The following ABI3BP variants were observed in gnomAD, a reference collection of about 807,000 sequenced individuals.
ABI3BP encodes ABI family member 3 binding protein.
ABI3BP carries 216 observed loss-of-function variants against 268.6 expected under a neutral mutation model. The observed-to-expected ratio is 0.80, with a 90% confidence interval of 0.72 to 0.90. The LOEUF is 0.90. ABI3BP is among the 40% of genes least tolerant of loss of function. The probability of loss-of-function intolerance (pLI) is 0.00; values close to 1 mark genes in which losing one functional copy is unlikely to be tolerated. For missense variants in ABI3BP, 2,090 were observed against 2,182.4 expected, an observed-to-expected ratio of 0.96 and a Z score of 0.84; for synonymous variants, 730 against 730.0, an observed-to-expected ratio of 1.00 and a Z score of 0.00.
At chr3:100,905,008 A>C (rs1378951984) in intron 2 of ABI3BP, among the ~76,000 whole-genome samples, 1 of 152,220 alleles carries the variant, frequency 6.6e-6, no homozygotes, top group Admixed American at 6.5e-5. Flanking sequence ...CTTGGCACCA[A>C]CCCAAATGTC....
At chr3:100,837,258 C>T in intron 26 of ABI3BP, 87 bp from the exon 27 acceptor site, 1 of 1,036,110 alleles carries the variant, frequency 9.7e-7, no homozygotes. Flanking sequence ...ATTCAGAGGA[C>T]ACAGAGTCTA....
At chr3:100,886,962 CAT>C (rs2042261538) in intron 4 of ABI3BP, among the ~76,000 whole-genome samples, 1 of 151,918 alleles carries the variant, frequency 6.6e-6, no homozygotes, top group South Asian at 2.1e-4. Flanking sequence ...TAAATATACA[CAT>C]ATATATGTGT....
At chr3:100,926,248 AC>A (rs1192569068) in intron 2 of ABI3BP, 53 bp downstream of exon 2, 10 of 1,564,806 alleles carry the variant, frequency 6.4e-6, no homozygotes, top group African/African-American at 1.4e-5. Context: ...GTCATGTTAC[AC>A]CCCCCCACCT....
chr3:100,832,164 A>G, intron 31 of ABI3BP, 100 bp downstream of exon 31: 6 of 1,145,060 alleles, frequency 5.2e-6, no homozygotes, highest in Non-Finnish European at 7.3e-6. Flanking sequence ...CTCTTAAGAG[A>G]TATATAGGGC....
rs74900580 is a variant in ABI3BP at position 100,814,032 on chromosome 3, G to A, written c.3290-297C>T. Among the ~76,000 whole-genome samples, 587 of 152,146 alleles carry A rather than the reference G, an allele frequency of 3.9e-3. 3 individuals carry two copies. The highest frequency in any genetic ancestry group is 0.013 in the African/African-American group (532 of 41,528). ...TCAAATAAAGTTTTATTGGAACATAGCCATAGAATGAACTAAAATTGTTCA... is the reference window on the plus strand; with the variant it reads ...TCAAATAAAGTTTTATTGGAACATAACCATAGAATGAACTAAAATTGTTCA... On this transcript the variant is annotated intron_variant, in intron 44 of 67. Transcript: ENST00000471714.
intron 32 of ABI3BP, among the ~76,000 whole-genome samples, chr3:100,830,164 T>A (rs1553931358): frequency 1.5e-3 from 129 of 84,848 alleles, no homozygotes; most frequent in Non-Finnish European, 2.1e-3. Context: ...TATATATATA[T>A]AAAATGCAGA....
intron 62 of ABI3BP, among the ~76,000 whole-genome samples, 195 bp from the exon 63 acceptor site, chr3:100,766,144 T>C (rs549707045): frequency 3.0e-4 from 45 of 152,314 alleles, no homozygotes; most frequent in Non-Finnish European, 5.6e-4. Flanking sequence ...AGAAGCATTT[T>C]GGGATTTGTT....
intron 8 of ABI3BP, 70 bp downstream of exon 8, chr3:100,875,438 C>T (rs943007124): frequency 1.7e-5 from 20 of 1,206,446 alleles, no homozygotes; most frequent in Non-Finnish European, 2.5e-5. Flanking sequence ...TGCAAAACTC[C>T]AGAAAAGCCC....
chr3:100,769,649 T>G (rs2149859015), intron 62 of ABI3BP, among the ~76,000 whole-genome samples: 1 of 151,878 alleles, frequency 6.6e-6, no homozygotes, highest in East Asian at 1.9e-4. Flanking sequence ...ATATGAAGAG[T>G]TTTAGACATT....
At chr3:100,975,168 T>C (rs985337755) in intron 1 of ABI3BP, among the ~76,000 whole-genome samples, 21 of 152,132 alleles carry the variant, frequency 1.4e-4, no homozygotes, top group Admixed American at 4.6e-4. Context: ...TATTATTACT[T>C]TGTCTTAGAA....
At chr3:100,841,901 GAAA>G (rs66923918) in intron 21 of ABI3BP, 94 bp downstream of exon 21, 561 of 817,128 alleles carry the variant, frequency 6.9e-4, no homozygotes, top group South Asian at 1.3e-3. Flanking sequence ...ATCTGGAGAA[GAAA>G]AAAAAAAAAA....
At chr3:100,792,591 A>C in intron 55 of ABI3BP, 100 bp downstream of exon 55, 10 of 1,194,222 alleles carry the variant, frequency 8.4e-6, no homozygotes, top group Non-Finnish European at 1.1e-5. Context: ...AAAGTCAAGT[A>C]ATCCACTGTG....
chr3:100,773,929 G>A (rs1192903652), intron 61 of ABI3BP, among the ~76,000 whole-genome samples: 2 of 152,160 alleles, frequency 1.3e-5, no homozygotes, highest in Admixed American at 1.3e-4. Context: ...GTAGGCACTG[G>A]GGGGTTGAGT....
At chr3:100,894,098 T>G (rs1470354774) in intron 4 of ABI3BP, among the ~76,000 whole-genome samples, 4 of 151,946 alleles carry the variant, frequency 2.6e-5, no homozygotes. Context: ...ATTGGGAACA[T>G]TAGTGTGAAA....
At chr3:100,876,427 G>C in intron 7 of ABI3BP, 85 bp downstream of exon 7, 1 of 1,212,600 alleles carries the variant, frequency 8.2e-7, no homozygotes, top group Non-Finnish European at 1.2e-6. Flanking sequence ...TTAAAAAATC[G>C]AGAAAATATG....
At chr3:100,915,591 G>A (rs1460349810) in intron 2 of ABI3BP, among the ~76,000 whole-genome samples, 1 of 152,192 alleles carries the variant, frequency 6.6e-6, no homozygotes, top group Non-Finnish European at 1.5e-5. Flanking sequence ...GGGCTGGGAG[G>A]CCAAGCATAA....
At chr3:100,803,874 A>G (rs1369113097) in intron 51 of ABI3BP, among the ~76,000 whole-genome samples, 1 of 152,228 alleles carries the variant, frequency 6.6e-6, no homozygotes, top group Admixed American at 6.6e-5. Context: ...ATACCACAGC[A>G]GCAATAATAG....
At chr3:100,975,070 G>C (rs1478111982) in intron 1 of ABI3BP, among the ~76,000 whole-genome samples, 3 of 151,804 alleles carry the variant, frequency 2.0e-5, no homozygotes, top group Non-Finnish European at 4.4e-5. Context: ...TTTGATAAGA[G>C]GTTAGTTATT....
intron 12 of ABI3BP, chr3:100,863,795 T>C: frequency 1.9e-6 from 1 of 529,822 alleles, no homozygotes; most frequent in Non-Finnish European, 3.4e-6. Flanking sequence ...GAATCAAACA[T>C]AATATTAAAA....
Sources: gnomAD v4.1 joint callset for allele counts (sites outside exome capture counted in the v4.1 genomes callset) on GRCh38, gnomAD v4.1.1 for gene constraint, MANE v1.5 for transcripts, NCBI Gene and HGNC (gene_info 2026-07-23, HGNC 2026-07-21) for gene names.